Variants in PCGF3 observed in about 807,000 individuals in gnomAD.
PCGF3 encodes polycomb group RING finger protein 3.
PCGF3 carries 7 observed loss-of-function variants against 33.1 expected under a neutral mutation model. The observed-to-expected ratio is 0.21, with a 90% CI of 0.12 to 0.40. The LOEUF (loss-of-function observed/expected upper bound fraction) is 0.40. Ranked by LOEUF, PCGF3 falls within the 10% of genes least tolerant of loss-of-function variation. PCGF3 has a pLI of 1.00. For synonymous variants in PCGF3, 153 were observed against 121.3 expected (o/e 1.26, Z -1.72); for missense variants, 211 against 313.3 (o/e 0.67, Z 2.46).
intron 9 of PCGF3, among the ~76,000 whole-genome samples, chr4:763,693 C>T (rs746577132): frequency 2.0e-5 from 3 of 152,238 alleles, no homozygotes; most frequent in Non-Finnish European, 4.4e-5. Flanking sequence ...GCAAACCACC[C>T]AGCAGCCACA....
At chr4:722,459 T>C (rs10452329) in intron 1 of PCGF3, 97,379 of 279,568 alleles carry the variant, frequency 0.35, 19,121 homozygotes, top group African/African-American at 0.59. Flanking sequence ...GGAAGGCATA[T>C]GTCACACTGA....
chr4:735,857 C>T (rs933242049), intron 5 of PCGF3, among the ~76,000 whole-genome samples: 4 of 152,146 alleles, frequency 2.6e-5, no homozygotes, highest in Admixed American at 1.3e-4. Context: ...AGCAGGAGGC[C>T]AAGGGGCCAG....
chr4:731,168 G>A (rs972914801), intron 3 of PCGF3, 58 bp downstream of exon 3: 1 of 398,570 alleles, frequency 2.5e-6, no homozygotes. Context: ...CTGCCCTGTT[G>A]CTGGTTGTGG....
intron 1 of PCGF3, among the ~76,000 whole-genome samples, chr4:728,720 G>A (rs1438188709): frequency 6.6e-6 from 1 of 152,192 alleles, no homozygotes; most frequent in Non-Finnish European, 1.5e-5. Context: ...ACTGAAGTCT[G>A]AGAACTCCTG....
Position 721,017 on chromosome 4 carries a change from C to G in PCGF3, c.-189-9613C>G, listed in dbSNP as rs985798216. Among the ~76,000 whole-genome samples the G allele has an allele frequency of 6.6e-6, 1 of 152,106 alleles. No homozygotes were observed. The highest frequency in any genetic ancestry group is 2.4e-5 in the African/African-American group (1 of 41,412). The stretch of plus-strand genomic sequence containing the variant: ...AGATGACCCCATGGGCAAGCAGGAG[C>G]TCAGATGGGAGGCATGGAGCAGACG... On this transcript the variant is annotated intron_variant, in intron 1 of 10. Transcript: ENST00000362003. The surrounding 1 kb of genome is among the most constrained non-coding windows in gnomAD (Gnocchi z 4.1).
chr4:763,826 T>G (rs1745204127), intron 9 of PCGF3, among the ~76,000 whole-genome samples: 2 of 152,108 alleles, frequency 1.3e-5, no homozygotes, highest in Non-Finnish European at 2.9e-5. Flanking sequence ...AGTAGATAAG[T>G]GGAAAAATAA....
intron 8 of PCGF3, chr4:757,513 TA>T (rs1422951405): frequency 1.3e-5 from 2 of 152,290 alleles, no homozygotes; most frequent in African/African-American, 4.8e-5. Context: ...CATGACATAC[TA>T]ATCTAGCTAT....
chr4:734,592 A>G, intron 4 of PCGF3: 1 of 1,171,132 alleles, frequency 8.5e-7, no homozygotes. Context: ...ATCTTTTAGG[A>G]CAAAGTATTG....
chr4:758,503 C>A (rs1163059415), intron 8 of PCGF3, among the ~76,000 whole-genome samples: 1 of 135,946 alleles, frequency 7.4e-6, no homozygotes, highest in Non-Finnish European at 1.6e-5. Context: ...TCTTCTCGCT[C>A]CGGACTCTGG....
chr4:749,500 T>TTTTTTTTTTTTTTTTTA (rs1744419120), intron 8 of PCGF3, among the ~76,000 whole-genome samples: 1 of 115,544 alleles, frequency 8.7e-6, no homozygotes, highest in Admixed American at 9.0e-5. Context: ...TTTTTTTTTT[T>TTTTTTTTTTTTTTTTTA]GAGACAGTCT....
intron 1 of PCGF3, among the ~76,000 whole-genome samples, chr4:724,269 G>A (rs896630009): frequency 1.3e-5 from 2 of 152,344 alleles, no homozygotes; most frequent in African/African-American, 4.8e-5. Context: ...AGGGGCTACA[G>A]CAAAGGCCCC....
At chr4:753,735 C>T (rs1360978015) in intron 8 of PCGF3, among the ~76,000 whole-genome samples, 1 of 151,920 alleles carries the variant, frequency 6.6e-6, no homozygotes. Flanking sequence ...ATTGCCTAAG[C>T]TCAGGAGTGC....
intron 8 of PCGF3, among the ~76,000 whole-genome samples, chr4:754,196 G>A (rs935513739): frequency 1.2e-4 from 19 of 152,318 alleles, no homozygotes; most frequent in African/African-American, 4.6e-4. Context: ...GAGCAGGCTG[G>A]GGGTTCTGGT....
intron 8 of PCGF3, among the ~76,000 whole-genome samples, chr4:750,935 C>A (rs1457690273): frequency 2.6e-5 from 4 of 152,124 alleles, no homozygotes; most frequent in Non-Finnish European, 5.9e-5. Context: ...TCTGCTTCCA[C>A]CCTCCCTGTC....
rs1411708165 is a variant in PCGF3 at position 720,132 on chromosome 4, C to A, written c.-189-10498C>A. Among the ~76,000 whole-genome samples the A allele has an allele frequency of 2.0e-5, 3 of 152,198 alleles. No individual in the cohort carries two copies. The highest frequency in any genetic ancestry group is 7.2e-5 in the African/African-American group (3 of 41,438). On this transcript the variant is annotated intron_variant, in intron 1 of 10. Coordinates refer to ENST00000362003, the Ensembl canonical transcript of PCGF3. This position sits in a 1 kb window ranked among gnomAD's most constrained non-coding sequence, Gnocchi z 5.6. ...ATGGCCTTTCCCTCCTGAGTGACAGCCCTGGACGTGCTGTCGCCTCATGAG... is the reference window on the plus strand; with the variant it reads ...ATGGCCTTTCCCTCCTGAGTGACAGACCTGGACGTGCTGTCGCCTCATGAG...
exon 11 of PCGF3, chr4:767,768 G>C (rs920681333): frequency 3.3e-5 from 5 of 149,584 alleles, no homozygotes; most frequent in African/African-American, 1.3e-4. Flanking sequence ...GAGTTACTCA[G>C]TTACCTAAGC....
At chr4:754,035 C>T (rs1360247369) in intron 8 of PCGF3, among the ~76,000 whole-genome samples, 1 of 152,166 alleles carries the variant, frequency 6.6e-6, no homozygotes, top group Non-Finnish European at 1.5e-5. Flanking sequence ...CTTTGGTGGT[C>T]CTGGCACCCA....
At chr4:767,209 T>A (rs575812903) in exon 11 of PCGF3, 5 of 152,342 alleles carry the variant, frequency 3.3e-5, no homozygotes, top group African/African-American at 1.2e-4. Context: ...AGAAGCTGCA[T>A]TTCAGCTGAA....
At chr4:732,382 C>T (rs1560204203) in intron 3 of PCGF3, 1 of 131,216 alleles carries the variant, frequency 7.6e-6, no homozygotes, top group African/African-American at 2.6e-5. Context: ...CTTCCCCTCC[C>T]TCTCCCTTCC....
Sources: allele counts gnomAD v4.1 joint callset (sites outside exome capture counted in the v4.1 genomes callset), GRCh38; gene constraint gnomAD v4.1.1; non-coding constraint Gnocchi (gnomAD v3.1); transcripts MANE v1.5; gene names NCBI Gene and HGNC (gene_info 2026-07-23, HGNC 2026-07-21).